Variants in NLRP14 observed in about 807,000 individuals in gnomAD.
The protein encoded by NLRP14 is NACHT, LRR and PYD domains-containing protein 14.
In NLRP14, 105 loss-of-function variants were observed where a neutral mutation model predicts 94.7. The observed-to-expected ratio is 1.11, with a 90% CI of 0.95 to 1.30. The LOEUF (loss-of-function observed/expected upper bound fraction) is 1.30. Among genes scored for constraint, NLRP14 ranks in the 50% most tolerant of loss-of-function variants. NLRP14 has a pLI of 0.00. For missense variants in NLRP14, 1,362 were observed against 1,254.1 expected, an observed-to-expected ratio of 1.09 and a Z score of -1.30; for synonymous variants, 508 against 459.9, an observed-to-expected ratio of 1.10 and a Z score of -1.34.
Position 7,043,544 on chromosome 11 carries a change from G to C in NLRP14, c.1518G>C (p.Gln506His). Reference sequence around the variant, plus strand: ...GGGAAGCTGGGAACCCTTCCTGCCAGCCTTTTGAAGATTTGAAGTCATTAC... The same window carrying C: ...GGGAAGCTGGGAACCCTTCCTGCCACCCTTTTGAAGATTTGAAGTCATTAC... ...GSWEAGNPSC[Q>H]PFEDLKSLLQ... is the part of the protein sequence containing the mutation. The change falls in exon 4 of 12, where the codon CAG becomes CAC. Residue 506 changes from glutamine to histidine, a missense_variant. Gln to His is a conservative substitution (Grantham distance 24). Coordinates refer to ENST00000299481, the MANE Select transcript of NLRP14 (RefSeq NM_176822.4). 6.2e-7 allele frequency: 1 copy of C among 1,614,182 alleles called. No individual in the cohort carries two copies. Among genetic ancestry groups the C allele is most frequent in the Non-Finnish European group, 8.5e-7 (1 of 1,180,016 alleles).
At position 7,043,790 on chromosome 11, in the gene NLRP14, G is replaced by A; in HGVS notation, c.1764G>A (p.Glu588=). The part of the protein sequence containing the change: ...GFLELFHCLY[E]TQDKAFISQA... The stretch of plus-strand genomic sequence containing the variant: ...TGGAGTTGTTTCACTGTCTGTATGA[G>A]ACTCAAGATAAAGCGTTTATAAGCC... Residue 588 remains glutamate, a synonymous_variant, in exon 4 of 12, where the codon GAG becomes GAA. Transcript: ENST00000299481. 1 of 1,614,160 alleles carries A rather than the reference G, an allele frequency of 6.2e-7. No homozygotes were observed. The highest frequency in any genetic ancestry group is 1.7e-5 in the Admixed American group (1 of 60,016).
At chr11:7,039,108 T>G (rs556220297) in intron 2 of NLRP14, among the ~76,000 whole-genome samples, 1 of 152,302 alleles carries the variant, frequency 6.6e-6, no homozygotes, top group Admixed American at 6.5e-5. Context: ...TCATCCATCT[T>G]GTACCAGTTG....
chr11:7,030,397 A>G (rs1454438363), intron 1 of NLRP14, among the ~76,000 whole-genome samples: 1 of 152,098 alleles, frequency 6.6e-6, no homozygotes, highest in African/African-American at 2.4e-5. Context: ...TGCACTTGCT[A>G]TTTCTTCCTC....
the NLRP14 span, chr11:7,089,323 A>C: frequency 8.1e-6 from 13 of 1,607,518 alleles, no homozygotes; most frequent in African/African-American, 1.3e-5. Context: ...GCCGCCAGAG[A>C]CATGAACGGC....
chr11:7,039,426 G>A (rs996772057), intron 2 of NLRP14, among the ~76,000 whole-genome samples: 26 of 151,898 alleles, frequency 1.7e-4, no homozygotes, highest in African/African-American at 4.6e-4. Context: ...GTATCGTAGT[G>A]AAGTCAGTAT....
rs1224679005 is a variant in NLRP14, at chr11:7,049,827, A to G, written c.2280A>G (p.Leu760=). 5.0e-6 allele frequency: 8 copies of G among 1,612,300 alleles called. No homozygotes were observed. Among genetic ancestry groups the G allele is most frequent in the Non-Finnish European group, 6.8e-6 (8 of 1,178,384 alleles). ...CCTTGAAACACCCAGAGTGTAAACT[A>G]CAGACTCTCAGGTAAGCTTTGAATT... ...CEALKHPECK[L]QTLRLESCNL... is the part of the protein sequence containing the mutation. The change falls in exon 6 of 12, where the codon CTA becomes CTG. Residue 760 remains leucine, a synonymous_variant. Coordinates refer to ENST00000299481, the MANE Select transcript of NLRP14 (RefSeq NM_176822.4).
chr11:7,069,384 T>G (rs1417687612), intron 10 of NLRP14, among the ~76,000 whole-genome samples: 2 of 152,196 alleles, frequency 1.3e-5, no homozygotes, highest in Non-Finnish European at 2.9e-5. Context: ...TCAAATTGTT[T>G]AGGAGAATGT....
At chr11:7,041,452 C>T (rs1238842571) in intron 3 of NLRP14, among the ~76,000 whole-genome samples, 1 of 152,036 alleles carries the variant, frequency 6.6e-6, no homozygotes, top group Non-Finnish European at 1.5e-5. Context: ...GGATCATATT[C>T]TACATAATTG....
intron 4 of NLRP14, among the ~76,000 whole-genome samples, chr11:7,044,263 A>G (rs770437745): frequency 6.6e-6 from 1 of 152,222 alleles, no homozygotes; most frequent in Admixed American, 6.5e-5. Flanking sequence ...GACAATCTCA[A>G]CAACTCAGGG....
the NLRP14 span, among the ~76,000 whole-genome samples, chr11:7,088,378 C>T: frequency 1.3e-5 from 2 of 152,120 alleles, no homozygotes; most frequent in African/African-American, 4.8e-5. Context: ...TATTACAGCT[C>T]AAGGCATGAT....
rs16921740 is a variant in NLRP14, at chr11:7,043,322, C to A, written c.1296C>A (p.Ala432=). The change falls in exon 4 of 12, where the codon GCC becomes GCA. Residue 432 remains alanine (A), a synonymous_variant. Coordinates refer to ENST00000299481, the MANE Select transcript of NLRP14 (RefSeq NM_176822.4). Reference sequence around the variant, plus strand: ...TGAGAAGACTGTGCCAAGTCGCTGCCAAAGGAATATGGACTATGACTTACG... The same window carrying A: ...TGAGAAGACTGTGCCAAGTCGCTGCAAAAGGAATATGGACTATGACTTACG... The part of the protein sequence containing the change: ...AQLRRLCQVA[A]KGIWTMTYVF... 1.7e-3 allele frequency: 2,746 copies of A among 1,614,148 alleles called. 31 individuals carry two copies. The African/African-American group carries it at 0.028, about 17-fold the overall frequency.
rs1443541691 is a variant in NLRP14, at chr11:7,049,662, C to G, written c.2124-9C>G. The G allele has an allele frequency of 3.7e-6, 6 of 1,602,944 alleles. No individual in the cohort carries two copies. Among genetic ancestry groups the G allele is most frequent in the Non-Finnish European group, 5.1e-6 (6 of 1,169,872 alleles). On this transcript the variant is annotated splice_polypyrimidine_tract_variant and intron_variant, in intron 5 of 11. Coordinates refer to ENST00000299481, the MANE Select transcript of NLRP14 (RefSeq NM_176822.4). The stretch of plus-strand genomic sequence containing the variant: ...TTTGTAATACCTCCTGCATATTTTT[C>G]TTCTGAAGGTTGAAATTTATCACTT...
At chr11:7,084,124 T>G in the NLRP14 span, among the ~76,000 whole-genome samples, 1 of 152,198 alleles carries the variant, frequency 6.6e-6, no homozygotes, top group Non-Finnish European at 1.5e-5. Context: ...AAACTGCTAT[T>G]TATAAACCAA....
Position 7,058,329 on chromosome 11 carries a change from G to A in NLRP14, c.2512G>A (p.Ala838Thr). 1 of 1,612,556 alleles carries A rather than the reference G, an allele frequency of 6.2e-7. No individual in the cohort carries two copies. The highest frequency in any genetic ancestry group is 8.5e-7 in the Non-Finnish European group (1 of 1,178,896). Residue 838 changes from alanine (A) to threonine (T), a missense_variant, in exon 8 of 12, where the codon GCT becomes ACT. By Grantham distance (58) the Ala-to-Thr change is moderately conservative (BLOSUM62 0). Coordinates refer to ENST00000299481, the MANE Select transcript of NLRP14 (RefSeq NM_176822.4). Reference protein sequence around the residue: ...TEAGCEYLSLALISNKRLTHL... With the variant: ...TEAGCEYLSLTLISNKRLTHL... ...GGCTGGCTGTGAGTATCTTTCTTTG[G>A]CTCTCATCAGCAATAAAAGACTGAC...
At chr11:7,031,926 C>T (rs962181382) in intron 1 of NLRP14, among the ~76,000 whole-genome samples, 4 of 152,224 alleles carry the variant, frequency 2.6e-5, no homozygotes, top group Non-Finnish European at 5.9e-5. Flanking sequence ...TGGTCATCCT[C>T]TCTAGCCTAT....
chr11:7,043,401 A>G lies in NLRP14; in HGVS notation c.1375A>G (p.Ser459Gly). 6.2e-7 allele frequency: 1 copy of G among 1,614,096 alleles called. No homozygotes were observed. Among genetic ancestry groups the G allele is most frequent in the Non-Finnish European group, 8.5e-7 (1 of 1,179,946 alleles). ...TGGGTTAACTCAATCTGATGTCTCTAGTTTTATGGACAGCAATATTATTCA... is the reference window on the plus strand; with the variant it reads ...TGGGTTAACTCAATCTGATGTCTCTGGTTTTATGGACAGCAATATTATTCA... ...RLGLTQSDVS[S>G]FMDSNIIQKD... Residue 459 changes from serine (S) to glycine (G), a missense_variant, in exon 4 of 12, where the codon AGT becomes GGT. Physicochemically the swap from Ser to Gly is moderately conservative, Grantham distance 56 (BLOSUM62 0). Transcript: ENST00000299481.
chr11:7,089,055 G>A, the NLRP14 span: 11 of 1,554,928 alleles, frequency 7.1e-6, no homozygotes, highest in African/African-American at 5.4e-5. Flanking sequence ...GAGCGAGCTC[G>A]AAGGCTGCGA....
At chr11:7,045,001 A>G (rs1454068190) in intron 4 of NLRP14, among the ~76,000 whole-genome samples, 2 of 152,192 alleles carry the variant, frequency 1.3e-5, no homozygotes, top group East Asian at 1.9e-4. Flanking sequence ...ACTTAGGACA[A>G]AATTGTGATA....
chr11:7,068,125 T>A (rs1356089028), intron 10 of NLRP14, among the ~76,000 whole-genome samples: 5 of 152,176 alleles, frequency 3.3e-5, no homozygotes, highest in Non-Finnish European at 7.4e-5. Flanking sequence ...GATGTGTTTT[T>A]TCTCATTTCT....
Sources: allele counts gnomAD v4.1 joint callset (sites outside exome capture counted in the v4.1 genomes callset), GRCh38; gene constraint gnomAD v4.1.1; transcripts MANE v1.5; gene names NCBI Gene and HGNC (gene_info 2026-07-23, HGNC 2026-07-21).